CYYR1: variants seen among roughly 807,000 people sequenced by gnomAD.
The protein encoded by CYYR1 is cysteine and tyrosine rich 1, also known as cysteine and tyrosine-rich protein 1.
CYYR1 carries 14 observed loss-of-function variants against 15.2 expected under a neutral mutation model. That is an observed-to-expected ratio of 0.92 (90% CI 0.61 to 1.44). The LOEUF (loss-of-function observed/expected upper bound fraction) is 1.44, where lower values mean the gene tolerates loss of function less well. Ranked by LOEUF, CYYR1 falls within the 40% of genes most tolerant of loss-of-function variation. The pLI is 0.00. For synonymous variants in CYYR1, 80 were observed against 77.4 expected (o/e 1.03, Z -0.18); for missense variants, 228 against 209.5 (o/e 1.09, Z -0.54).
intron 2 of CYYR1, among the ~76,000 whole-genome samples, chr21:26,490,159 G>T (rs1458964995): frequency 6.6e-6 from 1 of 151,784 alleles, no homozygotes; most frequent in Non-Finnish European, 1.5e-5. Context: ...AAAATTAGCC[G>T]GTGTGTGACA....
chr21:26,471,936 G>A (rs1288953836), intron 3 of CYYR1, among the ~76,000 whole-genome samples: 1 of 152,162 alleles, frequency 6.6e-6, no homozygotes, highest in African/African-American at 2.4e-5. Context: ...GAAATTCGGA[G>A]AAGAAATGTA....
In CYYR1 at chr21:26,496,073, A is replaced by G. The variant is rs574885279; in HGVS notation, c.177-15644T>C. On this transcript the variant is annotated intron_variant, in intron 2 of 3. Transcript: ENST00000652641. ...AACTCTGGCTTCAAGTTAGGTTTCA[A>G]TTAAATCACAAAAATGCTGATGTTT... Among the ~76,000 whole-genome samples, 7 of 152,356 alleles carry G rather than the reference A, an allele frequency of 4.6e-5. No homozygotes were observed. In the South Asian group the frequency reaches 6.2e-4, roughly 14 times the overall value.
chr21:26,560,566 G>T (rs944857165), intron 2 of CYYR1, among the ~76,000 whole-genome samples: 2 of 152,110 alleles, frequency 1.3e-5, no homozygotes, highest in African/African-American at 4.8e-5. Flanking sequence ...TAGGGTGGTG[G>T]TTTTTAAAAT....
intron 2 of CYYR1, among the ~76,000 whole-genome samples, chr21:26,543,692 G>A (rs1978738750): frequency 6.6e-6 from 1 of 152,126 alleles, no homozygotes; most frequent in African/African-American, 2.4e-5. Flanking sequence ...GATCACCTGA[G>A]GTCCGGAGTT....
At chr21:26,516,891 G>A (rs1163679128) in intron 2 of CYYR1, among the ~76,000 whole-genome samples, 5 of 151,536 alleles carry the variant, frequency 3.3e-5, no homozygotes, top group South Asian at 2.1e-4. Context: ...CGAGGCGGGC[G>A]GATCACGAGG....
intron 2 of CYYR1, among the ~76,000 whole-genome samples, chr21:26,487,252 A>G (rs1481613586): frequency 6.6e-6 from 1 of 152,092 alleles, no homozygotes; most frequent in East Asian, 1.9e-4. Context: ...CATAGCTTCA[A>G]AAGAATAAAC....
At chr21:26,489,763 T>C (rs768005569) in intron 2 of CYYR1, among the ~76,000 whole-genome samples, 1 of 152,112 alleles carries the variant, frequency 6.6e-6, no homozygotes, top group Non-Finnish European at 1.5e-5. Context: ...AAGTGATTCA[T>C]TTAACTGTTT....
intron 2 of CYYR1, among the ~76,000 whole-genome samples, chr21:26,543,085 C>A (rs1279959261): frequency 6.6e-6 from 1 of 152,118 alleles, no homozygotes; most frequent in Non-Finnish European, 1.5e-5. Context: ...GAACAGAAAA[C>A]CAAACACTGC....
At chr21:26,480,458 A>C in intron 2 of CYYR1, 29 bp from the exon 3 acceptor site, 1 of 1,593,240 alleles carries the variant, frequency 6.3e-7, no homozygotes, top group Non-Finnish European at 8.5e-7. Flanking sequence ...AAGTTTACTC[A>C]AAAGACTTGT....
At chr21:26,471,362 T>C (rs571874296) in intron 3 of CYYR1, 3 of 152,354 alleles carry the variant, frequency 2.0e-5, no homozygotes, top group Admixed American at 2.0e-4. Context: ...AGCCATGGCA[T>C]GTGTTTATGC....
intron 2 of CYYR1, among the ~76,000 whole-genome samples, chr21:26,532,051 T>C (rs1240287183): frequency 6.6e-6 from 1 of 152,104 alleles, no homozygotes; most frequent in African/African-American, 2.4e-5. Context: ...ATTTGAAGGA[T>C]TATGTAAAGC....
intron 2 of CYYR1, 110 bp from the exon 3 acceptor site, chr21:26,480,539 G>A (rs1601731134): frequency 7.7e-6 from 9 of 1,170,692 alleles, no homozygotes; most frequent in Non-Finnish European, 1.0e-5. Flanking sequence ...ATGTTCTTAA[G>A]GATAATGTGT....
At chr21:26,519,818 G>C (rs1158548182) in intron 2 of CYYR1, among the ~76,000 whole-genome samples, 1 of 152,106 alleles carries the variant, frequency 6.6e-6, no homozygotes, top group Non-Finnish European at 1.5e-5. Context: ...GTGGAAGATA[G>C]CATGGTGATT....
chr21:26,493,214 GGAAC>G, intron 2 of CYYR1, among the ~76,000 whole-genome samples: 3 of 152,254 alleles, frequency 2.0e-5, no homozygotes, highest in Middle Eastern at 3.4e-3. Flanking sequence ...TTCTGGATAA[GGAAC>G]GTCTTTAATA....
chr21:26,496,249 G>A (rs1431286172), intron 2 of CYYR1, among the ~76,000 whole-genome samples: 1 of 152,164 alleles, frequency 6.6e-6, no homozygotes, highest in African/African-American at 2.4e-5. Context: ...TCACAAAGGG[G>A]TCTGAAGCTG....
intron 2 of CYYR1, among the ~76,000 whole-genome samples, chr21:26,542,250 GGAGAGAGAAA>G (rs1978601484): frequency 7.0e-6 from 1 of 142,974 alleles, no homozygotes. Flanking sequence ...GGGCGGGGCG[GGAGAGAGAAA>G]GAGAGAGAGA....
intron 3 of CYYR1, among the ~76,000 whole-genome samples, chr21:26,473,938 C>CA (rs1328743826): frequency 2.0e-5 from 3 of 152,012 alleles, no homozygotes; most frequent in Non-Finnish European, 4.4e-5. Context: ...TCAGGCTGTT[C>CA]ATAATCTTCA....
intron 2 of CYYR1, among the ~76,000 whole-genome samples, chr21:26,517,808 G>A (rs1031343447): frequency 3.3e-5 from 5 of 152,048 alleles, no homozygotes; most frequent in East Asian, 1.9e-4. Context: ...CTCCCACCTC[G>A]GCTTCCCAAA....
At chr21:26,564,128 T>A (rs1481763558) in intron 2 of CYYR1, among the ~76,000 whole-genome samples, 1 of 151,926 alleles carries the variant, frequency 6.6e-6, no homozygotes, top group Non-Finnish European at 1.5e-5. Context: ...GGAACCCTTG[T>A]AAGCATTCTG....
Sources: gnomAD v4.1 joint callset for allele counts (sites outside exome capture counted in the v4.1 genomes callset) on GRCh38, gnomAD v4.1.1 for gene constraint, MANE v1.5 for transcripts, NCBI Gene and HGNC (gene_info 2026-07-23, HGNC 2026-07-21) for gene names.